Variants in GDAP1L1 observed in about 807,000 individuals in gnomAD.
GDAP1L1 encodes ganglioside-induced differentiation-associated protein 1-like 1.
Under a neutral mutation model 37.1 loss-of-function variants are expected in GDAP1L1, and 21 were observed. The ratio of observed to expected loss-of-function variants is 0.57; its 90% CI spans 0.40 to 0.81. GDAP1L1 has a LOEUF of 0.81. Among genes scored for constraint, GDAP1L1 ranks in the 40% least tolerant of loss-of-function variants. The pLI, the probability that GDAP1L1 is intolerant of heterozygous loss-of-function variation, is 0.00. For synonymous variants in GDAP1L1, 193 were observed against 209.1 expected (o/e 0.92, Z 0.67); for missense variants, 362 against 491.6 (o/e 0.74, Z 2.49).
intron 1 of GDAP1L1, among the ~76,000 whole-genome samples, chr20:44,248,161 G>A (rs1342304580): frequency 1.3e-5 from 2 of 152,242 alleles, no homozygotes; most frequent in Non-Finnish European, 2.9e-5. Context: ...AAGGCACAGA[G>A]TGGCCCCAGC....
chr20:44,280,333 A>G lies in GDAP1L1; in HGVS notation c.*1033A>G, dbSNP rs2062628179. ...GTCTTGGTGTCACTGCCGCTCATGC[A>G]TAGAAACCACCAAAAGCCCCAATAA... On this transcript the variant is annotated 3_prime_UTR_variant, in exon 6 of 6. Coordinates refer to ENST00000342560, the MANE Select transcript of GDAP1L1 (RefSeq NM_024034.6). 6.5e-6 allele frequency: 1 copy of G among 154,510 alleles called. No individual in the cohort carries two copies. Among genetic ancestry groups the G allele is most frequent in the Non-Finnish European group, 1.4e-5 (1 of 69,332 alleles). 9.6% of individuals were successfully genotyped at this position (154,510 alleles called of 1,614,324 possible).
At position 44,280,937 on chromosome 20, in the gene GDAP1L1, A is replaced by G. The variant is rs2062632650; in HGVS notation, c.*1637A>G. 1 of 152,152 alleles carries G rather than the reference A, an allele frequency of 6.6e-6. No homozygotes were observed. 9.4% of individuals were successfully genotyped at this position (152,152 alleles called of 1,614,324 possible). ...TTTTACTTATTTTGCAATAAAAAAA[A>G]GTATTAAGAATTTGCACATCTTTTT... On this transcript the variant is annotated 3_prime_UTR_variant, in exon 6 of 6. Coordinates refer to ENST00000342560, the MANE Select transcript of GDAP1L1 (RefSeq NM_024034.6).
chr20:44,253,865 A>G (rs1194395094), intron 1 of GDAP1L1, among the ~76,000 whole-genome samples: 1 of 152,224 alleles, frequency 6.6e-6, no homozygotes, highest in East Asian at 1.9e-4. Flanking sequence ...CTCTAAAGAT[A>G]TAGTCCCCTC....
At position 44,278,949 on chromosome 20, in the gene GDAP1L1, C is replaced by T. The variant is rs1192043599; in HGVS notation, c.761-8C>T. The T allele has an allele frequency of 1.3e-6, 2 of 1,595,328 alleles. No individual in the cohort carries two copies. The highest frequency in any genetic ancestry group is 8.6e-7 in the Non-Finnish European group (1 of 1,165,482). On this transcript the variant is annotated splice_polypyrimidine_tract_variant and splice_region_variant and intron_variant, in intron 5 of 5. Coordinates refer to ENST00000342560, the MANE Select transcript of GDAP1L1 (RefSeq NM_024034.6). ...TGATCCCCTTGCCTCCTCTTTCTTC[C>T]ACTCTAGGGCAGAAATGCGAGCTGT...
chr20:44,273,569 CT>C (rs980819229), intron 5 of GDAP1L1, among the ~76,000 whole-genome samples: 3 of 152,248 alleles, frequency 2.0e-5, no homozygotes, highest in African/African-American at 7.2e-5. Flanking sequence ...TCCATACTTG[CT>C]TTGCAAAACC....
At chr20:44,272,365 G>A (rs1487261129) in intron 5 of GDAP1L1, among the ~76,000 whole-genome samples, 1 of 152,152 alleles carries the variant, frequency 6.6e-6, no homozygotes, top group African/African-American at 2.4e-5. Flanking sequence ...TCTTCTGAAC[G>A]AACCATGAGG....
At chr20:44,269,912 T>C (rs190686323) in intron 5 of GDAP1L1, among the ~76,000 whole-genome samples, 41 of 152,094 alleles carry the variant, frequency 2.7e-4, no homozygotes, top group African/African-American at 8.9e-4. Flanking sequence ...GGCTGGGCGT[T>C]TGGGAGACAG....
intron 5 of GDAP1L1, among the ~76,000 whole-genome samples, chr20:44,273,563 T>C (rs1476948013): frequency 3.3e-5 from 5 of 152,236 alleles, no homozygotes; most frequent in Non-Finnish European, 2.9e-5. Flanking sequence ...TGGCCCTCCA[T>C]ACTTGCTTTG....
At chr20:44,250,193 C>G (rs6073385) in intron 1 of GDAP1L1, among the ~76,000 whole-genome samples, 23,136 of 152,114 alleles carry the variant, frequency 0.15, 1,841 homozygotes, top group South Asian at 0.23. Context: ...GGAGATCATT[C>G]CAGACCCAGA....
In GDAP1L1 at chr20:44,279,696, C is replaced by T; in HGVS notation, c.*396C>T. ...TGGGGACTCAGAGGGCCTGACCCCT[C>T]ACCTCCCCTTCCCTCTTGCCCAGGG... On this transcript the variant is annotated 3_prime_UTR_variant, in exon 6 of 6. Coordinates refer to ENST00000342560, the MANE Select transcript of GDAP1L1 (RefSeq NM_024034.6). 2.1e-6 allele frequency: 1 copy of T among 475,978 alleles called. No individual in the cohort carries two copies. Among genetic ancestry groups the T allele is most frequent in the African/African-American group, 2.0e-5 (1 of 50,424 alleles). 29.5% of individuals were successfully genotyped at this position (475,978 alleles called of 1,614,324 possible).
chr20:44,272,684 C>T (rs1438883056), intron 5 of GDAP1L1, among the ~76,000 whole-genome samples: 1 of 152,104 alleles, frequency 6.6e-6, no homozygotes, highest in Admixed American at 6.5e-5. Context: ...GGATCAGATA[C>T]CAGATTGCTG....
At chr20:44,265,849 G>T (rs386626666) in intron 5 of GDAP1L1, among the ~76,000 whole-genome samples, 1 of 152,144 alleles carries the variant, frequency 6.6e-6, no homozygotes, top group African/African-American at 2.4e-5. Flanking sequence ...GTTCCCTCTC[G>T]ATGGGTCCAG....
chr20:44,276,466 A>AAGAAAGAAAGAAAG (rs1555801145), intron 5 of GDAP1L1, among the ~76,000 whole-genome samples: 6 of 137,096 alleles, frequency 4.4e-5, no homozygotes, highest in Non-Finnish European at 6.5e-5. Context: ...GAAAGAAAGA[A>AAGAAAGAAAGAAAG]AAAGAAAGGC....
At chr20:44,265,292 G>A in intron 5 of GDAP1L1, 1 of 985,232 alleles carries the variant, frequency 1.0e-6, no homozygotes, top group Non-Finnish European at 1.2e-6. Flanking sequence ...CCTCCCTCCT[G>A]GAGCACCCTT....
chr20:44,279,433 G>A lies in GDAP1L1; in HGVS notation c.*133G>A, dbSNP rs183477102. 449 of 717,564 alleles carry A rather than the reference G, an allele frequency of 6.3e-4. 8 individuals are homozygous for A. Among genetic ancestry groups the A allele is most frequent in the Middle Eastern group, 4.2e-3 (18 of 4,258 alleles). 44.4% of individuals were successfully genotyped at this position (717,564 alleles called of 1,614,324 possible). ...GCCCTTCGTTCTGAGTAATAATACC[G>A]TCAGTGTGAAAACATTCCGTAGTTT... is the stretch of plus-strand genomic sequence containing the variant. On this transcript the variant is annotated 3_prime_UTR_variant, in exon 6 of 6. Coordinates refer to ENST00000342560, the MANE Select transcript of GDAP1L1 (RefSeq NM_024034.6).
At chr20:44,260,118 A>G (rs1267452589) in intron 3 of GDAP1L1, among the ~76,000 whole-genome samples, 1 of 152,218 alleles carries the variant, frequency 6.6e-6, no homozygotes, top group African/African-American at 2.4e-5. Flanking sequence ...CACAGTTGGC[A>G]AGAGCAAGAA....
chr20:44,247,264 A>G (rs1256300590), upstream of GDAP1L1: 2 of 1,494,786 alleles, frequency 1.3e-6, no homozygotes, highest in East Asian at 2.3e-5. Context: ...CGGCGAGGCC[A>G]TGTGATGCTG....
chr20:44,272,700 G>A (rs944858871), intron 5 of GDAP1L1, among the ~76,000 whole-genome samples: 2 of 152,130 alleles, frequency 1.3e-5, no homozygotes. Flanking sequence ...TGCTGCCCAG[G>A]CGCACACACA....
intron 3 of GDAP1L1, among the ~76,000 whole-genome samples, chr20:44,259,779 G>C (rs1375036291): frequency 2.0e-5 from 3 of 152,136 alleles, no homozygotes; most frequent in African/African-American, 7.2e-5. Flanking sequence ...TTATAGGCAT[G>C]AGCCACCATA....
Sources: gnomAD v4.1 joint callset for allele counts (sites outside exome capture counted in the v4.1 genomes callset) on GRCh38, gnomAD v4.1.1 for gene constraint, MANE v1.5 for transcripts, NCBI Gene and HGNC (gene_info 2026-07-23, HGNC 2026-07-21) for gene names.